The following AOX1 variants were observed in gnomAD, a reference collection of about 807,000 sequenced individuals.
AOX1 encodes aldehyde oxidase 1.
Under a neutral mutation model 169.5 loss-of-function variants are expected in AOX1, and 153 were observed. The ratio of observed to expected loss-of-function variants is 0.90; its 90% confidence interval spans 0.79 to 1.03. AOX1 has a LOEUF of 1.03. Ranked by LOEUF, AOX1 falls within the 50% of genes least tolerant of loss-of-function variation. The probability of loss-of-function intolerance (pLI) is 0.00; values close to 1 mark genes in which losing one functional copy is unlikely to be tolerated. For synonymous variants in AOX1, 562 were observed against 581.9 expected, an observed-to-expected ratio of 0.97 and a Z score of 0.49; for missense variants, 1,656 against 1,663.9, an observed-to-expected ratio of 1.00 and a Z score of 0.08.
downstream of AOX1, among the ~76,000 whole-genome samples, chr2:200,681,060 G>C (rs147422473): frequency 1.4e-4 from 22 of 152,250 alleles, no homozygotes; most frequent in African/African-American, 5.3e-4. Flanking sequence ...GAGCAGAATG[G>C]GGAGAGAACA....
chr2:200,612,342 A>C (rs1354000411), intron 13 of AOX1, among the ~76,000 whole-genome samples: 1 of 152,180 alleles, frequency 6.6e-6, no homozygotes, highest in Non-Finnish European at 1.5e-5. Context: ...ACCATAACAA[A>C]GAACCACACA....
intron 4 of AOX1, among the ~76,000 whole-genome samples, chr2:200,597,858 C>G (rs1309094026): frequency 6.6e-6 from 1 of 152,162 alleles, no homozygotes; most frequent in Non-Finnish European, 1.5e-5. Context: ...CCTGTAATCC[C>G]AACACTTTGG....
intron 27 of AOX1, 29 bp downstream of exon 27, chr2:200,656,966 G>A: frequency 1.4e-6 from 2 of 1,437,892 alleles, no homozygotes; most frequent in Non-Finnish European, 9.5e-7. Flanking sequence ...CGATTGAGTT[G>A]GGTGTGTGCT....
In AOX1 at chr2:200,627,391, G is replaced by A. The variant is rs368654497; in HGVS notation, c.2163G>A (p.Arg721=). The A allele has an allele frequency of 8.1e-6, 13 of 1,613,784 alleles. No homozygotes were observed. The African/African-American group carries it at 1.5e-4, about 18-fold the overall frequency. Residue 721 remains arginine, a synonymous_variant, in exon 20 of 35, where the codon AGG becomes AGA. Transcript: ENST00000374700. ...ACAACTCCTCCTTCAAGCCAGAAAG[G>A]AAACTGGAATATGGAAATGTTGACG... ...IQHNSSFKPE[R]KLEYGNVDEA... is the part of the protein sequence containing the mutation.
intron 1 of AOX1, 61 bp downstream of exon 1, chr2:200,586,214 G>A: frequency 6.8e-7 from 1 of 1,474,902 alleles, no homozygotes; most frequent in Non-Finnish European, 9.0e-7. Context: ...GCAGAGAGGA[G>A]CCCCTGCCGT....
At chr2:200,637,735 T>G (rs953702531) in intron 22 of AOX1, among the ~76,000 whole-genome samples, 5 of 152,194 alleles carry the variant, frequency 3.3e-5, no homozygotes, top group African/African-American at 1.2e-4. Flanking sequence ...AATTCTCATG[T>G]AAAATTGTCT....
At chr2:200,667,980 G>C (rs1398729441) in intron 32 of AOX1, among the ~76,000 whole-genome samples, 2 of 152,072 alleles carry the variant, frequency 1.3e-5, no homozygotes, top group East Asian at 3.9e-4. Context: ...CAAAAGAAGA[G>C]GGTGCTTGGG....
At chr2:200,663,040 T>C (rs1422865391) in intron 31 of AOX1, 71 bp downstream of exon 31, 2 of 1,214,156 alleles carry the variant, frequency 1.6e-6, no homozygotes, top group Non-Finnish European at 2.4e-6. Context: ...GCCATCTATC[T>C]GAGGAGAGCT....
chr2:200,632,785 C>T (rs1180567958), intron 20 of AOX1, among the ~76,000 whole-genome samples: 1 of 152,102 alleles, frequency 6.6e-6, no homozygotes, highest in Non-Finnish European at 1.5e-5. Flanking sequence ...GGCTATAGAA[C>T]TCTGAGTTGA....
chr2:200,615,246 A>G (rs375594509), intron 15 of AOX1, among the ~76,000 whole-genome samples: 13 of 152,160 alleles, frequency 8.5e-5, no homozygotes, highest in Admixed American at 2.0e-4. Context: ...GACTCAAGCA[A>G]TCCTGCTGCC....
chr2:200,641,125 T>C lies in AOX1; in HGVS notation c.2596T>C (p.Leu866=), dbSNP rs1168159072. 2 of 1,613,588 alleles carry C rather than the reference T, an allele frequency of 1.2e-6. No individual in the cohort carries two copies. Among genetic ancestry groups the C allele is most frequent in the South Asian group, 2.2e-5 (2 of 91,010 alleles). The change falls in exon 24 of 35, where the codon TTG becomes CTG. Residue 866 remains leucine, a synonymous_variant. Coordinates refer to ENST00000374700, the MANE Select transcript of AOX1 (RefSeq NM_001159.4). ...TGGATTCATGAACGATGGCAGAATC[T>C]TGGCCCTGGACATGGAGCATTACAG... ...KAGFMNDGRI[L]ALDMEHYSNA... is the part of the protein sequence containing the mutation.
chr2:200,604,919 C>G, intron 9 of AOX1, 79 bp downstream of exon 9: 2 of 1,269,516 alleles, frequency 1.6e-6, no homozygotes, highest in Non-Finnish European at 1.1e-6. Flanking sequence ...GCTGGGGAAA[C>G]TTCATATACA....
At chr2:200,675,067 T>C (rs2036077665), downstream of AOX1, among the ~76,000 whole-genome samples, 1 of 152,160 alleles carries the variant, frequency 6.6e-6, no homozygotes, top group South Asian at 2.1e-4. Context: ...TCAGACGCTA[T>C]CCTGCTTGGA....
In AOX1 at chr2:200,597,341, T is replaced by C; in HGVS notation, c.201-56T>C. On this transcript the variant is annotated intron_variant, in intron 3 of 34. Transcript: ENST00000374700. ...AGAAGCTCAGTGAATGCCTGGCCCC[T>C]TTCCCACTGTATGCGACATAATTTG... 3 of 1,329,780 alleles carry C rather than the reference T, an allele frequency of 2.3e-6. No homozygotes were observed. The South Asian group carries it at 4.3e-5, about 19-fold the overall frequency. The allele number at this position is 1,329,780 out of a possible 1,614,324, so 82.4% of individuals were successfully genotyped here.
intron 4 of AOX1, among the ~76,000 whole-genome samples, chr2:200,598,684 G>A (rs986912630): frequency 2.6e-5 from 4 of 151,718 alleles, no homozygotes; most frequent in Admixed American, 2.0e-4. Flanking sequence ...GGTGGAGGTT[G>A]CAGTGAGCCA....
chr2:200,587,113 A>C lies in AOX1; in HGVS notation c.45+960A>C, dbSNP rs1190212491. ...GAAACCTTGTCTCTACAAAAAAAAA[A>C]CCAAACAAAACAAAACAACAACAAC... On this transcript the variant is annotated intron_variant, in intron 1 of 34. Transcript: ENST00000374700. Among the ~76,000 whole-genome samples, 6 of 147,472 alleles carry C rather than the reference A, an allele frequency of 4.1e-5. No individual in the cohort carries two copies. The East Asian group carries it at 9.7e-4, about 24-fold the overall frequency.
intron 31 of AOX1, 138 bp downstream of exon 31, chr2:200,663,107 A>G (rs2035859757): frequency 1.6e-6 from 1 of 634,414 alleles, no homozygotes; most frequent in Non-Finnish European, 2.8e-6. Context: ...GATTACCAGA[A>G]GAAAATAGAA....
intron 24 of AOX1, among the ~76,000 whole-genome samples, chr2:200,642,210 G>C (rs1037370854): frequency 2.6e-5 from 4 of 152,070 alleles, no homozygotes; most frequent in Admixed American, 2.0e-4. Flanking sequence ...AGCAGGGAAA[G>C]GATTGCTCCC....
At chr2:200,628,240 G>A (rs187142222) in intron 20 of AOX1, among the ~76,000 whole-genome samples, 13 of 152,132 alleles carry the variant, frequency 8.5e-5, no homozygotes, top group African/African-American at 2.9e-4. Flanking sequence ...TAAACATGAT[G>A]TATGTCTCTT....
Sources: allele counts gnomAD v4.1 joint callset (sites outside exome capture counted in the v4.1 genomes callset), GRCh38; gene constraint gnomAD v4.1.1; transcripts MANE v1.5; gene names NCBI Gene and HGNC (gene_info 2026-07-23, HGNC 2026-07-21).